Variants in SH3PXD2B observed in about 807,000 individuals in gnomAD.
SH3PXD2B encodes the protein SH3 and PX domain-containing protein 2B.
SH3PXD2B carries 37 observed loss-of-function variants against 73.1 expected under a neutral mutation model. The observed-to-expected ratio is 0.51, with a 90% CI of 0.39 to 0.67. The LOEUF (loss-of-function observed/expected upper bound fraction) is 0.67. SH3PXD2B is among the 30% of genes least tolerant of loss of function. The probability of loss-of-function intolerance (pLI) is 0.00; values close to 1 mark genes in which losing one functional copy is unlikely to be tolerated. For synonymous variants in SH3PXD2B, 457 were observed against 480.5 expected (o/e 0.95, Z 0.64); for missense variants, 1,053 against 1,197.8 (o/e 0.88, Z 1.78).
At chr5:172,395,480 C>G (rs1758273735) in intron 3 of SH3PXD2B, among the ~76,000 whole-genome samples, 1 of 152,258 alleles carries the variant, frequency 6.6e-6, no homozygotes, top group East Asian at 1.9e-4. Flanking sequence ...GGCTATGAAC[C>G]ACCAATATGA....
chr5:172,362,124 A>G (rs1337087201), intron 7 of SH3PXD2B, among the ~76,000 whole-genome samples: 1 of 152,224 alleles, frequency 6.6e-6, no homozygotes, highest in African/African-American at 2.4e-5. Flanking sequence ...CACTCTTTGT[A>G]TCTTATCTCA....
intron 1 of SH3PXD2B, among the ~76,000 whole-genome samples, chr5:172,437,263 T>C (rs555728032): frequency 6.6e-6 from 1 of 152,314 alleles, no homozygotes; most frequent in South Asian, 2.1e-4. Context: ...GTGGAGACCC[T>C]GGGTTCCCTT....
intron 1 of SH3PXD2B, among the ~76,000 whole-genome samples, chr5:172,431,645 C>T (rs1241490091): frequency 6.6e-6 from 1 of 152,128 alleles, no homozygotes; most frequent in African/African-American, 2.4e-5. Context: ...ATGATATCAA[C>T]TGTATATAAA....
intron 6 of SH3PXD2B, among the ~76,000 whole-genome samples, chr5:172,372,876 T>C (rs369036293): frequency 2.6e-5 from 4 of 152,280 alleles, no homozygotes; most frequent in East Asian, 1.9e-4. Context: ...GAAGTCCACA[T>C]TGGCTCCAGG....
intron 1 of SH3PXD2B, 123 bp downstream of exon 1, chr5:172,454,155 A>T: frequency 1.6e-6 from 1 of 606,916 alleles, no homozygotes; most frequent in Non-Finnish European, 2.6e-6. Context: ...CGCAGAGCCG[A>T]GGGGAGAGCA....
chr5:172,333,916 G>A lies in SH3PXD2B; in HGVS notation c.*4453C>T. The stretch of plus-strand genomic sequence containing the variant: ...TTACACGGGCACAAAGGCATACATG[G>A]GCACACACTGGGGTAAAATGTGGAC... On this transcript the variant is annotated 3_prime_UTR_variant, in exon 13 of 13. Transcript: ENST00000311601. 1.6e-6 allele frequency: 2 copies of A among 1,258,344 alleles called. No individual in the cohort carries two copies. Among genetic ancestry groups the A allele is most frequent in the South Asian group, 1.3e-5 (1 of 75,896 alleles). 77.9% of individuals were successfully genotyped at this position (1,258,344 alleles called of 1,614,324 possible).
rs59814724 is a variant in SH3PXD2B at position 172,423,549 on chromosome 5, G to GC, written c.76-1054_76-1053insG. Among the ~76,000 whole-genome samples the GC allele has an allele frequency of 4.9e-5, 7 of 142,980 alleles. No individual in the cohort carries two copies. In the South Asian group the frequency reaches 9.0e-4, roughly 18 times the overall value. 93.8% of individuals were successfully genotyped at this position (142,980 alleles called of 152,430 possible). A position where few individuals can be genotyped will look rare whatever the true frequency, so the allele number is the denominator to read the frequency against. ...TCACCCACTTGGATACGGGGTTGGG[G>GC]GGGGGGGCGCACATTCTCTGTTCAT... On this transcript the variant is annotated intron_variant, in intron 1 of 12. Coordinates refer to ENST00000311601, the MANE Select transcript of SH3PXD2B (RefSeq NM_001017995.3).
chr5:172,354,180 G>A (rs2113298844), intron 8 of SH3PXD2B, among the ~76,000 whole-genome samples, 175 bp from the exon 9 acceptor site: 1 of 152,226 alleles, frequency 6.6e-6, no homozygotes, highest in African/African-American at 2.4e-5. Flanking sequence ...ACAGAACACA[G>A]GACAAAGGGT....
At chr5:172,362,511 CAA>C (rs1757423475) in intron 7 of SH3PXD2B, among the ~76,000 whole-genome samples, 1 of 152,168 alleles carries the variant, frequency 6.6e-6, no homozygotes, top group South Asian at 2.1e-4. Context: ...AACGTCAGAA[CAA>C]ATCGGTACCA....
chr5:172,409,346 C>A (rs1018492839), intron 2 of SH3PXD2B, among the ~76,000 whole-genome samples: 1 of 151,674 alleles, frequency 6.6e-6, no homozygotes, highest in Non-Finnish European at 1.5e-5. Context: ...CGCGCCATTG[C>A]ACTACAGCCT....
Position 172,431,411 on chromosome 5 carries a change from C to T in SH3PXD2B, c.76-8915G>A, listed in dbSNP as rs141702893. Among the ~76,000 whole-genome samples the T allele has an allele frequency of 7.2e-5, 11 of 152,316 alleles. No individual in the cohort carries two copies. The East Asian group carries it at 2.1e-3, about 29-fold the overall frequency. ...CGACGGGGAGAGCCTGGCTTGGCTTCGGGTAGTATTCCAGTTCCTGCTTCC... is the reference window on the plus strand; with the variant it reads ...CGACGGGGAGAGCCTGGCTTGGCTTTGGGTAGTATTCCAGTTCCTGCTTCC... On this transcript the variant is annotated intron_variant, in intron 1 of 12. Coordinates refer to ENST00000311601, the MANE Select transcript of SH3PXD2B (RefSeq NM_001017995.3).
rs1339236732 is a variant in SH3PXD2B at position 172,339,485 on chromosome 5, C to T, written c.1620G>A (p.Glu540=). The T allele has an allele frequency of 1.2e-6, 2 of 1,613,746 alleles. No homozygotes were observed. Among genetic ancestry groups the T allele is most frequent in the East Asian group, 2.2e-5 (1 of 44,878 alleles). ...IKSEGELLER[E]RERQRTEQLR... ...GCTGCTCCGTCCTCTGCCGCTCCCG[C>T]TCCCGCTCCAGCAGCTCCCCCTCCG... The change falls in exon 13 of 13, where the codon GAG becomes GAA. Residue 540 remains glutamate, a synonymous_variant. Coordinates refer to ENST00000311601, the MANE Select transcript of SH3PXD2B (RefSeq NM_001017995.3). The surrounding 1 kb of genome is among the most constrained non-coding windows in gnomAD (Gnocchi z 6.1).
intron 1 of SH3PXD2B, among the ~76,000 whole-genome samples, chr5:172,452,850 A>T (rs1435466737): frequency 6.6e-6 from 1 of 152,148 alleles, no homozygotes; most frequent in Non-Finnish European, 1.5e-5. Flanking sequence ...AACAAAAAAT[A>T]AAAAAAGGAA....
chr5:172,448,967 T>C (rs1217472404), intron 1 of SH3PXD2B, among the ~76,000 whole-genome samples: 7 of 152,206 alleles, frequency 4.6e-5, no homozygotes, highest in Non-Finnish European at 8.8e-5. Flanking sequence ...TTCTAGACCA[T>C]TGGGCTCACC....
Position 172,335,921 on chromosome 5 carries a change from A to G in SH3PXD2B, c.*2448T>C. 1 of 1,178,348 alleles carries G rather than the reference A, an allele frequency of 8.5e-7. No homozygotes were observed. Among genetic ancestry groups the G allele is most frequent in the Non-Finnish European group, 1.0e-6 (1 of 954,612 alleles). The allele number at this position is 1,178,348 out of a possible 1,614,324, so 73.0% of individuals were successfully genotyped here. A position where few individuals can be genotyped will look rare whatever the true frequency, so the allele number is the denominator to read the frequency against. ...ACCCGCGGGTCATGTCAGAATAATC[A>G]TCATCATCATAGCAAAAGAGAATGG... On this transcript the variant is annotated 3_prime_UTR_variant, in exon 13 of 13. Coordinates refer to ENST00000311601, the MANE Select transcript of SH3PXD2B (RefSeq NM_001017995.3).
intron 1 of SH3PXD2B, among the ~76,000 whole-genome samples, chr5:172,423,791 C>T (rs996290396): frequency 2.6e-5 from 4 of 152,134 alleles, no homozygotes; most frequent in Admixed American, 6.5e-5. Context: ...TACAGGCGAG[C>T]GCTACCGTGC....
chr5:172,409,811 G>A (rs777047943), intron 2 of SH3PXD2B, among the ~76,000 whole-genome samples: 77 of 152,192 alleles, frequency 5.1e-4, no homozygotes, highest in Non-Finnish European at 2.5e-4. Context: ...CGCCTCCTGG[G>A]TTCAAGCGAT....
At chr5:172,357,677 T>C (rs1367333783) in intron 8 of SH3PXD2B, among the ~76,000 whole-genome samples, 2 of 152,098 alleles carry the variant, frequency 1.3e-5, no homozygotes, top group African/African-American at 4.8e-5. Context: ...TTAATCTGAG[T>C]TGATTCTGAT....
chr5:172,430,201 G>C (rs1759200888), intron 1 of SH3PXD2B, among the ~76,000 whole-genome samples: 1 of 152,226 alleles, frequency 6.6e-6, no homozygotes, highest in Non-Finnish European at 1.5e-5. Context: ...GCATCATTGT[G>C]AGCAGAAGGT....
Sources: allele counts gnomAD v4.1 joint callset (sites outside exome capture counted in the v4.1 genomes callset), GRCh38; gene constraint gnomAD v4.1.1; non-coding constraint Gnocchi (gnomAD v3.1); transcripts MANE v1.5; gene names NCBI Gene and HGNC (gene_info 2026-07-23, HGNC 2026-07-21).